The following VPS53 variants were observed in gnomAD, a reference collection of about 807,000 sequenced individuals.
VPS53 encodes VPS53 subunit of GARP complex.
VPS53 carries 70 observed loss-of-function variants against 107.0 expected under a neutral mutation model. The observed-to-expected ratio is 0.65, with a 90% confidence interval of 0.54 to 0.80. VPS53 has a LOEUF of 0.80. Among genes scored for constraint, VPS53 ranks in the 30% least tolerant of loss-of-function variants. The probability of loss-of-function intolerance (pLI) is 0.00; values close to 1 mark genes in which losing one functional copy is unlikely to be tolerated. For missense variants in VPS53, 917 were observed against 1,049.4 expected (o/e 0.87, Z 1.74); for synonymous variants, 409 against 393.3 (o/e 1.04, Z -0.47).
rs766555766 is a variant in VPS53 at position 586,336 on chromosome 17, G to T, written c.1247C>A (p.Pro416Gln). 1.1e-4 allele frequency: 172 copies of T among 1,613,894 alleles called. No homozygotes were observed. Among genetic ancestry groups the T allele is most frequent in the Middle Eastern group, 1.6e-4 (1 of 6,084 alleles). Residue 416 changes from proline to glutamine, a missense_variant, in exon 13 of 22, where the codon CCA becomes CAA. Transcript: ENST00000437048. ...ACACTTGGAAACAATGCCATGAAAT[G>T]GATTGTCTGGGGCTTTAGGCTTCTT... ...QPKKPKAPDN[P>Q]FHGIVSKCFE... is the part of the protein sequence containing the mutation.
At chr17:643,026 G>T (rs371299710) in intron 7 of VPS53, among the ~76,000 whole-genome samples, 5 of 114,178 alleles carry the variant, frequency 4.4e-5, no homozygotes, top group East Asian at 2.6e-4. Context: ...TACTTGGAAA[G>T]CGAGGACAAC....
At chr17:619,867 T>C (rs868810705) in intron 11 of VPS53, among the ~76,000 whole-genome samples, 104 of 106,268 alleles carry the variant, frequency 9.8e-4, no homozygotes, top group Admixed American at 1.9e-3. Flanking sequence ...ACTACAGGCG[T>C]GCACCACCAC....
chr17:616,391 G>A (rs906864080), intron 11 of VPS53: 10 of 152,374 alleles, frequency 6.6e-5, no homozygotes, highest in South Asian at 6.2e-4. Flanking sequence ...AACTTGAGAG[G>A]AGAGGAGAGC....
intron 11 of VPS53, among the ~76,000 whole-genome samples, chr17:623,247 C>A (rs1597394912): frequency 6.6e-6 from 1 of 152,138 alleles, no homozygotes; most frequent in Non-Finnish European, 1.5e-5. Context: ...GTATTTGTGA[C>A]TGAGTAAGGC....
intron 4 of VPS53, among the ~76,000 whole-genome samples, chr17:667,314 C>T (rs1284149162): frequency 1.4e-5 from 2 of 142,786 alleles, no homozygotes; most frequent in African/African-American, 5.0e-5. Context: ...CTTTTTTTTT[C>T]AAGAAGTTTT....
intron 2 of VPS53, among the ~76,000 whole-genome samples, chr17:703,929 C>T (rs182519122): frequency 1.3e-5 from 2 of 152,106 alleles, no homozygotes; most frequent in African/African-American, 4.8e-5. Context: ...GTGATCCACC[C>T]GCCTTGGTCT....
chr17:701,753 G>A (rs1381318004), intron 2 of VPS53, among the ~76,000 whole-genome samples: 3 of 151,826 alleles, frequency 2.0e-5, no homozygotes, highest in East Asian at 1.9e-4. Flanking sequence ...TTAAGATGGC[G>A]GCTCACTCTG....
At chr17:654,825 C>T (rs925260039) in intron 6 of VPS53, among the ~76,000 whole-genome samples, 1 of 152,008 alleles carries the variant, frequency 6.6e-6, no homozygotes, top group East Asian at 1.9e-4. Context: ...GTTTTACCAC[C>T]GCCTGGTCTT....
At position 562,598 on chromosome 17, in the gene VPS53, C is replaced by G. The variant is rs1172159585; in HGVS notation, c.1461G>C (p.Gln487His). The change falls in exon 14 of 22, where the codon CAG becomes CAC. Residue 487 changes from glutamine to histidine, a missense_variant. By Grantham distance (24) the Gln-to-His change is conservative. Coordinates refer to ENST00000437048, the MANE Select transcript of VPS53 (RefSeq NM_001128159.3). ...CGATCATGGGCTCCCCAGTACTGAG[C>G]TGAGAGCATTGCACCATGCACTTCT... ...YYKKCMVQCSQLSTGEPMIAL... is the reference protein window; with the variant it reads ...YYKKCMVQCSHLSTGEPMIAL... 5 of 1,613,846 alleles carry G rather than the reference C, an allele frequency of 3.1e-6. No individual in the cohort carries two copies. The African/African-American group carries it at 6.7e-5, about 22-fold the overall frequency.
intron 4 of VPS53, among the ~76,000 whole-genome samples, chr17:687,096 C>T (rs1345626126): frequency 6.6e-6 from 1 of 152,068 alleles, no homozygotes; most frequent in Non-Finnish European, 1.5e-5. Flanking sequence ...ACCAGCCTGG[C>T]CAACATGGTG....
intron 2 of VPS53, among the ~76,000 whole-genome samples, chr17:701,703 T>G (rs1199001740): frequency 1.3e-5 from 2 of 152,038 alleles, no homozygotes; most frequent in African/African-American, 2.4e-5. Context: ...AATATCATTT[T>G]ATGATAGCAA....
chr17:530,795 G>C (rs1909480723), intron 19 of VPS53, among the ~76,000 whole-genome samples: 1 of 152,144 alleles, frequency 6.6e-6, no homozygotes, highest in Non-Finnish European at 1.5e-5. Context: ...TATTGGTGTG[G>C]GTCAGTTCCA....
intron 13 of VPS53, 128 bp from the exon 14 acceptor site, chr17:562,873 C>A (rs1030045295): frequency 1.5e-5 from 16 of 1,094,944 alleles, no homozygotes; most frequent in Non-Finnish European, 2.0e-5. Flanking sequence ...AACTTAAAAT[C>A]GGATCGATTT....
chr17:605,096 A>G (rs1968504107), intron 11 of VPS53, among the ~76,000 whole-genome samples: 1 of 152,148 alleles, frequency 6.6e-6, no homozygotes, highest in African/African-American at 2.4e-5. Context: ...GATGCCTCAG[A>G]GTGAAATATA....
intron 15 of VPS53, among the ~76,000 whole-genome samples, chr17:555,379 G>A (rs1912236181): frequency 6.6e-6 from 1 of 152,122 alleles, no homozygotes; most frequent in Admixed American, 6.5e-5. Flanking sequence ...AGCCCTCCAG[G>A]CTCCTCACTT....
chr17:609,413 T>C (rs931088292), intron 11 of VPS53, among the ~76,000 whole-genome samples: 3 of 152,348 alleles, frequency 2.0e-5, no homozygotes, highest in East Asian at 1.9e-4. Context: ...TTTCTACTTT[T>C]TGGCTATTGT....
chr17:713,766 G>C (rs935295197), intron 1 of VPS53, among the ~76,000 whole-genome samples: 1 of 152,078 alleles, frequency 6.6e-6, no homozygotes, highest in South Asian at 2.1e-4. Flanking sequence ...AGGGCCGCGC[G>C]TGGTGGCTCA....
At position 553,201 on chromosome 17, in the gene VPS53, T is replaced by C. The variant is rs1266499681; in HGVS notation, c.1787+179A>G. ...GGTATATACGTGCCGCACGCTGCTGTGTAGTGGAGAAAGGGCAGGCAGTGA... is the reference window on the plus strand; with the variant it reads ...GGTATATACGTGCCGCACGCTGCTGCGTAGTGGAGAAAGGGCAGGCAGTGA... On this transcript the variant is annotated intron_variant, in intron 16 of 21. Coordinates refer to ENST00000437048, the MANE Select transcript of VPS53 (RefSeq NM_001128159.3). 3 of 406,946 alleles carry C rather than the reference T, an allele frequency of 7.4e-6. No individual in the cohort carries two copies. In the Admixed American group the frequency reaches 1.5e-4, roughly 21 times the overall value. The allele number at this position is 406,946 out of a possible 1,614,324, so 25.2% of individuals were successfully genotyped here.
intron 4 of VPS53, among the ~76,000 whole-genome samples, chr17:680,778 G>A (rs931752387): frequency 6.6e-6 from 1 of 152,170 alleles, no homozygotes; most frequent in Non-Finnish European, 1.5e-5. Flanking sequence ...CACTAAATAT[G>A]TACTGAGTGA....
Sources: gnomAD v4.1 joint callset for allele counts (sites outside exome capture counted in the v4.1 genomes callset) on GRCh38, gnomAD v4.1.1 for gene constraint, MANE v1.5 for transcripts, NCBI Gene and HGNC (gene_info 2026-07-23, HGNC 2026-07-21) for gene names.